LRP1B: variants seen among roughly 807,000 people sequenced by gnomAD.
LRP1B encodes LDL receptor related protein 1B.
Under a neutral mutation model 556.6 loss-of-function variants are expected in LRP1B, and 217 were observed. The observed-to-expected ratio is 0.39, with a 90% CI of 0.35 to 0.44. The LOEUF is 0.44. Among genes scored for constraint, LRP1B ranks in the 20% least tolerant of loss-of-function variants. LRP1B has a pLI of 1.00. For missense variants in LRP1B, 5,053 were observed against 5,620.8 expected, an observed-to-expected ratio of 0.90 and a Z score of 3.23; for synonymous variants, 2,047 against 1,865.8, an observed-to-expected ratio of 1.10 and a Z score of -2.50.
intron 2 of LRP1B, among the ~76,000 whole-genome samples, chr2:141,652,425 C>T (rs1311178157): frequency 6.6e-6 from 1 of 152,144 alleles, no homozygotes; most frequent in Non-Finnish European, 1.5e-5. Flanking sequence ...TTGTATATGA[C>T]TGGATAAATG....
chr2:142,096,502 C>T (rs1025400400), intron 1 of LRP1B, among the ~76,000 whole-genome samples: 5 of 150,624 alleles, frequency 3.3e-5, no homozygotes, highest in African/African-American at 1.2e-4. Context: ...TAGGCATTTA[C>T]CTTTATGGTG....
At chr2:141,249,734 G>A (rs975025242) in intron 4 of LRP1B, among the ~76,000 whole-genome samples, 7 of 152,106 alleles carry the variant, frequency 4.6e-5, no homozygotes, top group Non-Finnish European at 7.3e-5. Flanking sequence ...ATGTTCAAAA[G>A]GGTTATATGC....
chr2:141,647,042 G>A (rs1231465405), intron 2 of LRP1B, among the ~76,000 whole-genome samples: 1 of 152,070 alleles, frequency 6.6e-6, no homozygotes, highest in Admixed American at 6.6e-5. Context: ...ACTTCAAAGG[G>A]GTTATGGCGG....
chr2:140,236,963 G>GA lies in LRP1B; in HGVS notation c.13560+1188dup, dbSNP rs771735419. 7.9e-5 allele frequency among the ~76,000 whole-genome samples: 12 copies of GA among 151,024 alleles called. No homozygotes were observed. In the East Asian group the frequency reaches 1.4e-3, roughly 17 times the overall value. The stretch of plus-strand genomic sequence containing the variant: ...TGTTTTTATACATGTATACATTGCA[G>GA]AAAAAATCAAAGTATTTAGCATATC... On this transcript the variant is annotated intron_variant, in intron 89 of 90. Coordinates refer to ENST00000389484, the MANE Select transcript of LRP1B (RefSeq NM_018557.3).
intron 66 of LRP1B, among the ~76,000 whole-genome samples, chr2:140,428,449 T>C (rs1685761226): frequency 6.6e-6 from 1 of 152,174 alleles, no homozygotes; most frequent in African/African-American, 2.4e-5. Flanking sequence ...GGCCAAGGAA[T>C]GCCCACAGCC....
At chr2:140,242,859 TA>T (rs1387487834) in intron 87 of LRP1B, among the ~76,000 whole-genome samples, 2 of 151,298 alleles carry the variant, frequency 1.3e-5, no homozygotes. Context: ...TGGGCAATTG[TA>T]CTATTTTTTT....
At chr2:140,811,287 T>A (rs1324825728) in intron 32 of LRP1B, among the ~76,000 whole-genome samples, 1 of 152,180 alleles carries the variant, frequency 6.6e-6, no homozygotes, top group African/African-American at 2.4e-5. Flanking sequence ...AAACCTAACA[T>A]CTTTATTTTT....
At chr2:142,028,894 C>T (rs1703596849) in intron 1 of LRP1B, among the ~76,000 whole-genome samples, 2 of 151,986 alleles carry the variant, frequency 1.3e-5, no homozygotes, top group African/African-American at 4.8e-5. Flanking sequence ...TTTTAATTTG[C>T]AGTTTTTTAA....
At chr2:141,322,918 C>A (rs1687297521) in intron 3 of LRP1B, among the ~76,000 whole-genome samples, 1 of 151,976 alleles carries the variant, frequency 6.6e-6, no homozygotes, top group Non-Finnish European at 1.5e-5. Flanking sequence ...AAATTGCAGT[C>A]CTATAACTTA....
intron 2 of LRP1B, among the ~76,000 whole-genome samples, chr2:141,708,914 G>A (rs944515537): frequency 6.6e-6 from 1 of 152,116 alleles, no homozygotes; most frequent in Non-Finnish European, 1.5e-5. Context: ...CTAATACCTT[G>A]ATCTTGGACT....
intron 25 of LRP1B, among the ~76,000 whole-genome samples, chr2:140,881,064 A>T (rs1187569447): frequency 6.6e-6 from 1 of 152,154 alleles, no homozygotes; most frequent in African/African-American, 2.4e-5. Flanking sequence ...AAATTTCAAA[A>T]GAAGTTTAAA....
intron 3 of LRP1B, among the ~76,000 whole-genome samples, chr2:141,338,713 A>G (rs1037389640): frequency 6.6e-6 from 1 of 152,150 alleles, no homozygotes; most frequent in Admixed American, 6.5e-5. Flanking sequence ...AAAGCCTTCT[A>G]AATTATCTGT....
At chr2:141,034,366 A>C (rs561142273) in intron 11 of LRP1B, among the ~76,000 whole-genome samples, 1 of 152,208 alleles carries the variant, frequency 6.6e-6, no homozygotes, top group African/African-American at 2.4e-5. Context: ...AATGGGATCT[A>C]ATTAAACTAA....
chr2:141,058,940 T>G lies in LRP1B; in HGVS notation c.1351A>C (p.Ile451Leu). The G allele has an allele frequency of 6.9e-6, 11 of 1,601,020 alleles. No homozygotes were observed. The highest frequency in any genetic ancestry group is 9.4e-6 in the Non-Finnish European group (11 of 1,174,346). ...ATTCCCCAAGCATTCTCAATTTTAATTAATGAGTGAATATCAGTCCCATTA... is the reference window on the plus strand; with the variant it reads ...ATTCCCCAAGCATTCTCAATTTTAAGTAATGAGTGAATATCAGTCCCATTA... ...RFNGTDIHSL[I>L]KIENAWGIRI... is the part of the protein sequence containing the mutation. The change falls in exon 9 of 91, where the codon ATT (isoleucine) becomes CTT (leucine). Residue 451 changes from isoleucine (I) to leucine (L), a missense_variant. By Grantham distance (5) the Ile-to-Leu change is conservative (BLOSUM62 2). This residue lies in a region of LRP1B where 3,619 missense variants were observed against 3,931.9 expected (regional missense o/e 0.92). Coordinates refer to ENST00000389484, the MANE Select transcript of LRP1B (RefSeq NM_018557.3).
In LRP1B at chr2:140,640,355, A is replaced by T. The variant is rs372282105; in HGVS notation, c.6800-38716T>A. Among the ~76,000 whole-genome samples, 27 of 134,182 alleles carry T rather than the reference A, an allele frequency of 2.0e-4. No homozygotes were observed. The East Asian group carries it at 3.5e-3, about 18-fold the overall frequency. 88.0% of individuals were successfully genotyped at this position (134,182 alleles called of 152,430 possible). On this transcript the variant is annotated intron_variant, in intron 41 of 90. Transcript: ENST00000389484. ...CTACTTGATAGCATCATTTGCTTTC[A>T]TCATCCACTATTCCCTTGTCCTGTT... is the stretch of plus-strand genomic sequence containing the variant.
chr2:141,786,533 C>T (rs1695434498), intron 2 of LRP1B, among the ~76,000 whole-genome samples: 4 of 151,876 alleles, frequency 2.6e-5, no homozygotes, highest in Non-Finnish European at 4.4e-5. Flanking sequence ...TAGCTTTTTT[C>T]TGTGTAATAT....
At position 141,930,764 on chromosome 2, in the gene LRP1B, A is replaced by G. The variant is rs116310173; in HGVS notation, c.83-120363T>C. On this transcript the variant is annotated intron_variant, in intron 1 of 90. Transcript: ENST00000389484. ...GTATTCTAAAAGCAAAAGACTGAAT[A>G]ATTTTCAAGGCCAAACTCTCACTTT... 8.4e-3 allele frequency among the ~76,000 whole-genome samples: 1,277 copies of G among 152,192 alleles called. 20 individuals carry two copies. The highest frequency in any genetic ancestry group is 0.028 in the African/African-American group (1,178 of 41,550).
intron 7 of LRP1B, among the ~76,000 whole-genome samples, chr2:141,098,226 G>A (rs1299081773): frequency 1.3e-5 from 2 of 149,620 alleles, no homozygotes; most frequent in East Asian, 3.9e-4. Flanking sequence ...CTTTTAAATT[G>A]GTTGTAAAAA....
At chr2:140,732,607 C>A (rs1420908139) in intron 35 of LRP1B, among the ~76,000 whole-genome samples, 1 of 151,838 alleles carries the variant, frequency 6.6e-6, no homozygotes, top group Non-Finnish European at 1.5e-5. Flanking sequence ...TGAAGCAGTT[C>A]AAGCAACAGA....
Sources: allele counts gnomAD v4.1 joint callset (sites outside exome capture counted in the v4.1 genomes callset), GRCh38; gene constraint gnomAD v4.1.1; regional missense constraint gnomAD v4.1.1; transcripts MANE v1.5; gene names NCBI Gene and HGNC (gene_info 2026-07-23, HGNC 2026-07-21).